Variants in FHOD3 observed in about 807,000 individuals in gnomAD.
FHOD3 encodes FH1/FH2 domain-containing protein 3.
FHOD3 carries 90 observed loss-of-function variants against 173.0 expected under a neutral mutation model. That is an observed-to-expected ratio of 0.52 (90% CI 0.44 to 0.62). The LOEUF (loss-of-function observed/expected upper bound fraction) is 0.62, where lower values mean the gene tolerates loss of function less well. FHOD3 is among the 20% of genes least tolerant of loss of function. The pLI is 0.00. For synonymous variants in FHOD3, 828 were observed against 823.0 expected, an observed-to-expected ratio of 1.01 and a Z score of -0.10; for missense variants, 1,945 against 2,034.7, an observed-to-expected ratio of 0.96 and a Z score of 0.85.
intron 28 of FHOD3, among the ~76,000 whole-genome samples, chr18:36,770,482 C>T (rs1185716935): frequency 6.6e-6 from 1 of 152,172 alleles, no homozygotes; most frequent in Non-Finnish European, 1.5e-5. Context: ...AACCCACATT[C>T]CTGTGGTCCC....
intron 3 of FHOD3, among the ~76,000 whole-genome samples, chr18:36,449,349 A>G (rs2051688002): frequency 6.6e-6 from 1 of 152,192 alleles, no homozygotes; most frequent in African/African-American, 2.4e-5. Flanking sequence ...TGGCTTGAAT[A>G]ATTCTGAGCA....
intron 3 of FHOD3, among the ~76,000 whole-genome samples, chr18:36,409,917 C>G (rs917085797): frequency 1.3e-5 from 2 of 152,210 alleles, no homozygotes; most frequent in African/African-American, 4.8e-5. Flanking sequence ...CAATAATGCC[C>G]ATGAGAGGAG....
intron 15 of FHOD3, 50 bp downstream of exon 15, chr18:36,681,620 G>A (rs1359015141): frequency 3.2e-6 from 4 of 1,248,440 alleles, no homozygotes; most frequent in South Asian, 2.6e-5. Flanking sequence ...AAAATTAAAG[G>A]CATGTGACTT....
chr18:36,605,617 A>T (rs1352671303), intron 8 of FHOD3, among the ~76,000 whole-genome samples: 1 of 151,678 alleles, frequency 6.6e-6, no homozygotes, highest in East Asian at 1.9e-4. Context: ...TCTCAAGGTC[A>T]TCACCAAGGT....
chr18:36,458,195 T>C (rs2052333376), intron 3 of FHOD3, among the ~76,000 whole-genome samples: 1 of 152,080 alleles, frequency 6.6e-6, no homozygotes, highest in Non-Finnish European at 1.5e-5. Context: ...AGAGGAAACT[T>C]ACAAACTCAC....
chr18:36,424,553 T>A (rs1339797214), intron 3 of FHOD3, among the ~76,000 whole-genome samples: 1 of 152,158 alleles, frequency 6.6e-6, no homozygotes, highest in African/African-American at 2.4e-5. Context: ...TAGAATGGTG[T>A]CTGGTGCAAA....
chr18:36,679,872 A>G (rs1434516725), intron 14 of FHOD3, among the ~76,000 whole-genome samples: 1 of 152,178 alleles, frequency 6.6e-6, no homozygotes, highest in East Asian at 1.9e-4. Context: ...ACCAGGTTAT[A>G]TACATGTTAA....
At chr18:36,665,582 G>C (rs11659882) in intron 14 of FHOD3, among the ~76,000 whole-genome samples, 11 of 151,508 alleles carry the variant, frequency 7.3e-5, no homozygotes, top group Non-Finnish European at 1.2e-4. Flanking sequence ...TTGGCCTGGT[G>C]GGGGGGCAGG....
intron 10 of FHOD3, among the ~76,000 whole-genome samples, chr18:36,639,702 A>G (rs1334999206): frequency 6.7e-6 from 1 of 150,350 alleles, no homozygotes; most frequent in Admixed American, 6.6e-5. Context: ...GGGCGCCTGT[A>G]GTCCCAGCTA....
chr18:36,554,006 T>C (rs1308331094), intron 5 of FHOD3, among the ~76,000 whole-genome samples: 1 of 152,184 alleles, frequency 6.6e-6, no homozygotes, highest in Non-Finnish European at 1.5e-5. Flanking sequence ...GGAGAAGATA[T>C]GGAGAAATAG....
rs149659760 is a variant in FHOD3, at chr18:36,740,666, C to A, written c.3587C>A (p.Thr1196Lys). 1 of 1,613,236 alleles carries A rather than the reference C, an allele frequency of 6.2e-7. No homozygotes were observed. Among genetic ancestry groups the A allele is most frequent in the East Asian group, 2.2e-5 (1 of 44,874 alleles). ...LNKEGIEKIL[T>K]MIPTDEEKQK... ...ATCTCCTATTTCCAGAAAATTCTAA[C>A]GATGATTCCCACCGATGAGGAGAAG... Residue 1196 changes from threonine (T) to lysine (K), a missense_variant, in exon 21 of 29, where the codon ACG becomes AAG. Transcript: ENST00000590592.
At chr18:36,641,213 A>G (rs2035283423) in intron 10 of FHOD3, among the ~76,000 whole-genome samples, 1 of 152,140 alleles carries the variant, frequency 6.6e-6, no homozygotes, top group Middle Eastern at 3.2e-3. Context: ...AGGAAAAGTA[A>G]CTCTAGTCAG....
intron 4 of FHOD3, among the ~76,000 whole-genome samples, chr18:36,502,956 T>A (rs1335546659): frequency 1.3e-5 from 2 of 152,194 alleles, no homozygotes; most frequent in Non-Finnish European, 2.9e-5. Flanking sequence ...TTGCATTGGA[T>A]GAATAAAACA....
chr18:36,600,104 GT>G (rs1232992300), intron 7 of FHOD3, among the ~76,000 whole-genome samples: 1 of 152,128 alleles, frequency 6.6e-6, no homozygotes, highest in Non-Finnish European at 1.5e-5. Flanking sequence ...TGTAAGGTAG[GT>G]ACAGTCATCC....
rs767026297 is a variant in FHOD3 at position 36,755,137 on chromosome 18, C to G, written c.4251C>G (p.Leu1417=). Residue 1417 remains leucine (L), a synonymous_variant, in exon 25 of 29, where the codon CTC becomes CTG. Transcript: ENST00000590592. ...CTTGCAGATTCCACTCCTTTTTACT[C>G]TTTATGGGCCATCCACCTTATGCAA... is the stretch of plus-strand genomic sequence containing the variant. ...RIINRFHSFL[L]FMGHPPYAIR... is the part of the protein sequence containing the mutation. 29 of 1,604,426 alleles carry G rather than the reference C, an allele frequency of 1.8e-5. No individual in the cohort carries two copies. The Admixed American group carries it at 4.6e-4, about 26-fold the overall frequency.
intron 5 of FHOD3, among the ~76,000 whole-genome samples, chr18:36,534,193 C>G (rs1274507793): frequency 1.3e-5 from 2 of 152,238 alleles, no homozygotes; most frequent in Non-Finnish European, 2.9e-5. Flanking sequence ...AAAAACTGAT[C>G]ACAGCCCTGC....
chr18:36,745,599 A>G (rs1299870144), intron 23 of FHOD3, among the ~76,000 whole-genome samples: 1 of 152,068 alleles, frequency 6.6e-6, no homozygotes, highest in South Asian at 2.1e-4. Context: ...TCACTCCAGC[A>G]AGTCCCCTGT....
At chr18:36,351,048 A>G (rs2046101736) in intron 1 of FHOD3, among the ~76,000 whole-genome samples, 1 of 152,026 alleles carries the variant, frequency 6.6e-6, no homozygotes, top group Non-Finnish European at 1.5e-5. Flanking sequence ...CTCGGGTGTA[A>G]TGATGGGCTG....
At chr18:36,736,931 G>T (rs1019721793) in intron 20 of FHOD3, among the ~76,000 whole-genome samples, 6 of 152,178 alleles carry the variant, frequency 3.9e-5, no homozygotes, top group African/African-American at 1.4e-4. Context: ...GCTTTCCTGT[G>T]AAATCAAATT....
Sources: allele counts gnomAD v4.1 joint callset (sites outside exome capture counted in the v4.1 genomes callset), GRCh38; gene constraint gnomAD v4.1.1; transcripts MANE v1.5; gene names NCBI Gene and HGNC (gene_info 2026-07-23, HGNC 2026-07-21).